The following PIWIL2 variants were observed in gnomAD, a reference collection of about 807,000 sequenced individuals.
PIWIL2 encodes the protein piwi-like protein 2.
In PIWIL2, 81 loss-of-function variants were observed where a neutral mutation model predicts 116.5. That is an observed-to-expected ratio of 0.70 (90% CI 0.58 to 0.84). The LOEUF is 0.84. Among genes scored for constraint, PIWIL2 ranks in the 40% least tolerant of loss-of-function variants. PIWIL2 has a pLI of 0.00. For missense variants in PIWIL2, 1,272 were observed against 1,212.3 expected (o/e 1.05, Z -0.73); for synonymous variants, 489 against 429.5 (o/e 1.14, Z -1.71).
intron 13 of PIWIL2, among the ~76,000 whole-genome samples, chr8:22,307,137 C>T (rs933226480): frequency 1.4e-4 from 21 of 152,150 alleles, no homozygotes; most frequent in Admixed American, 5.9e-4. Context: ...GGCTGGATGC[C>T]TCACACATGG....
chr8:22,311,261 G>GA lies in PIWIL2; in HGVS notation c.1951dup (p.Thr651AsnfsTer13). ...TTGAACTAAAGGATGACCGAATAGA[G>GA]ACTTATGTCAGAACCATTCAATCCA... On this transcript the variant is annotated frameshift_variant, in exon 16 of 23. Transcript: ENST00000356766. LOFTEE classifies it high-confidence loss of function. 1 of 1,614,084 alleles carries GA rather than the reference G, an allele frequency of 6.2e-7. No individual in the cohort carries two copies. Among genetic ancestry groups the GA allele is most frequent in the Non-Finnish European group, 8.5e-7 (1 of 1,179,988 alleles).
chr8:22,280,745 A>T (rs1830480341), intron 2 of PIWIL2, among the ~76,000 whole-genome samples: 2 of 152,330 alleles, frequency 1.3e-5, no homozygotes, highest in Non-Finnish European at 2.9e-5. Context: ...CTTGCCTTGA[A>T]TATGCAGAAA....
intron 6 of PIWIL2, among the ~76,000 whole-genome samples, chr8:22,286,593 CTG>C (rs1320193384): frequency 1.3e-5 from 2 of 152,098 alleles, no homozygotes; most frequent in Non-Finnish European, 2.9e-5. Context: ...GAGTTCCAGA[CTG>C]TCTTAGGTAA....
intron 18 of PIWIL2, 134 bp downstream of exon 18, chr8:22,315,279 C>A: frequency 1.7e-6 from 1 of 601,350 alleles, no homozygotes; most frequent in South Asian, 2.4e-5. Flanking sequence ...GCCTCTTCAG[C>A]CCATTATCTA....
At chr8:22,317,941 A>G (rs1375877126) in intron 19 of PIWIL2, among the ~76,000 whole-genome samples, 1 of 151,916 alleles carries the variant, frequency 6.6e-6, no homozygotes, top group Non-Finnish European at 1.5e-5. Context: ...GATTACAGGC[A>G]TGAGCCACCG....
At chr8:22,282,689 G>A (rs1430805084) in intron 4 of PIWIL2, among the ~76,000 whole-genome samples, 1 of 151,744 alleles carries the variant, frequency 6.6e-6, no homozygotes, top group Admixed American at 6.6e-5. Flanking sequence ...CTCCCAGGCT[G>A]AAGTGATCCT....
At chr8:22,277,335 G>A (rs992970564) in intron 1 of PIWIL2, among the ~76,000 whole-genome samples, 2 of 152,072 alleles carry the variant, frequency 1.3e-5, no homozygotes, top group African/African-American at 4.8e-5. Context: ...AGGTTATGAA[G>A]TGATTTTGAA....
chr8:22,322,958 C>G (rs1831637057), intron 20 of PIWIL2, among the ~76,000 whole-genome samples: 1 of 152,006 alleles, frequency 6.6e-6, no homozygotes, highest in Non-Finnish European at 1.5e-5. Context: ...CTCTCTGTTG[C>G]CAGGCTGGAG....
chr8:22,279,411 A>G lies in PIWIL2; in HGVS notation c.25A>G (p.Arg9Gly). 1 of 1,614,136 alleles carries G rather than the reference A, an allele frequency of 6.2e-7. No individual in the cohort carries two copies. The highest frequency in any genetic ancestry group is 1.1e-5 in the South Asian group (1 of 91,078). MDPFRPSF[R>G]GQSPIHPSQC... is the part of the protein sequence containing the mutation. ...CATGGATCCTTTCCGACCATCGTTC[A>G]GGGGCCAGTCTCCTATCCACCCATC... The change falls in exon 2 of 23, where the codon AGG becomes GGG. Residue 9 changes from arginine (R) to glycine (G), a missense_variant. Arg to Gly is a moderately radical substitution (Grantham distance 125). Transcript: ENST00000356766.
chr8:22,344,486 C>T (rs1832180517), intron 20 of PIWIL2, among the ~76,000 whole-genome samples: 1 of 152,116 alleles, frequency 6.6e-6, no homozygotes, highest in Non-Finnish European at 1.5e-5. Context: ...TTTTTGTAAA[C>T]TTGAAGATTC....
chr8:22,333,684 A>G (rs1831914563), intron 20 of PIWIL2, among the ~76,000 whole-genome samples: 1 of 152,024 alleles, frequency 6.6e-6, no homozygotes, highest in South Asian at 2.1e-4. Flanking sequence ...TATAGAAACC[A>G]GAAGGTTAGT....
At chr8:22,306,698 TAAAG>T (rs1177912533) in intron 13 of PIWIL2, among the ~76,000 whole-genome samples, 16 of 152,226 alleles carry the variant, frequency 1.1e-4, no homozygotes, top group Admixed American at 6.5e-4. Flanking sequence ...GGTAACATCA[TAAAG>T]AAAGAGCTTG....
In PIWIL2 at chr8:22,275,322, C is replaced by T. The variant is rs1830332230; in HGVS notation, c.-123C>T. 2.0e-5 allele frequency: 3 copies of T among 150,822 alleles called. No homozygotes were observed. The highest frequency in any genetic ancestry group is 4.8e-5 in the African/African-American group (2 of 41,540). 9.3% of individuals were successfully genotyped at this position (150,822 alleles called of 1,614,324 possible). On this transcript the variant is annotated 5_prime_UTR_variant, in exon 1 of 23. Coordinates refer to ENST00000356766, the MANE Select transcript of PIWIL2 (RefSeq NM_018068.5). ...GAAATTGGCCCTGGAGCATGTGGGC[C>T]CCGGGGCGTGGGTTGAGCTCGGTCT...
intron 20 of PIWIL2, among the ~76,000 whole-genome samples, chr8:22,340,894 G>A (rs1832093333): frequency 6.6e-6 from 1 of 151,866 alleles, no homozygotes; most frequent in African/African-American, 2.4e-5. Context: ...TAATTTTTTT[G>A]TAAAGACAGG....
At chr8:22,331,937 G>A (rs1258984332) in intron 20 of PIWIL2, among the ~76,000 whole-genome samples, 1 of 152,080 alleles carries the variant, frequency 6.6e-6, no homozygotes, top group African/African-American at 2.4e-5. Flanking sequence ...ACATATGAAT[G>A]TTGCGGAGGG....
chr8:22,329,656 A>T (rs1195709766), intron 20 of PIWIL2, among the ~76,000 whole-genome samples: 1 of 152,248 alleles, frequency 6.6e-6, no homozygotes, highest in Non-Finnish European at 1.5e-5. Flanking sequence ...ATTACATGTC[A>T]ACATGAGATT....
chr8:22,277,203 G>A (rs1830397890), intron 1 of PIWIL2, among the ~76,000 whole-genome samples: 1 of 152,026 alleles, frequency 6.6e-6, no homozygotes, highest in Non-Finnish European at 1.5e-5. Context: ...TGTATTTTTA[G>A]TAAAGACAGG....
intron 2 of PIWIL2, 63 bp from the exon 3 acceptor site, chr8:22,281,057 G>C: frequency 1.1e-6 from 1 of 915,174 alleles, no homozygotes; most frequent in Admixed American, 2.4e-5. Context: ...CCAAGACTAA[G>C]AAAGCCCTTG....
chr8:22,304,989 G>A, intron 12 of PIWIL2, 121 bp downstream of exon 12: 1 of 688,502 alleles, frequency 1.5e-6, no homozygotes, highest in South Asian at 1.7e-5. Context: ...GTTGCGGAAA[G>A]CTGTGCAAGT....
Sources: gnomAD v4.1 joint callset for allele counts (sites outside exome capture counted in the v4.1 genomes callset) on GRCh38, gnomAD v4.1.1 for gene constraint, MANE v1.5 for transcripts, NCBI Gene and HGNC (gene_info 2026-07-23, HGNC 2026-07-21) for gene names.